SNTB1: variants seen among roughly 807,000 people sequenced by gnomAD.
The protein encoded by SNTB1 is beta-1-syntrophin.
In SNTB1, 36 loss-of-function variants were observed where a neutral mutation model predicts 48.9. The observed-to-expected ratio is 0.74, with a 90% CI of 0.56 to 0.97. The LOEUF is 0.97. Ranked by LOEUF, SNTB1 falls within the 50% of genes least tolerant of loss-of-function variation. The probability of loss-of-function intolerance (pLI) is 0.00; values close to 1 mark genes in which losing one functional copy is unlikely to be tolerated. For synonymous variants in SNTB1, 299 were observed against 294.6 expected, an observed-to-expected ratio of 1.01 and a Z score of -0.15; for missense variants, 786 against 703.4, an observed-to-expected ratio of 1.12 and a Z score of -1.33.
rs546476567 is a variant in SNTB1 at position 120,662,120 on chromosome 8, G to C, written c.789-29469C>G. On this transcript the variant is annotated intron_variant, in intron 2 of 6. Coordinates refer to ENST00000517992, the MANE Select transcript of SNTB1 (RefSeq NM_021021.4). ...GACACTTTCACCTCTTTTGTAGATA[G>C]CAATAATCATTTTCATTACCTGACT... Among the ~76,000 whole-genome samples, 9 of 152,112 alleles carry C rather than the reference G, an allele frequency of 5.9e-5. No homozygotes were observed. In the East Asian group the frequency reaches 1.7e-3, roughly 29 times the overall value.
rs912377825 is a variant in SNTB1 at position 120,811,869 on chromosome 8, G to C, written c.-26C>G. On this transcript the variant is annotated 5_prime_UTR_variant, in exon 1 of 7. Coordinates refer to ENST00000517992, the MANE Select transcript of SNTB1 (RefSeq NM_021021.4). ...CTTTCCGGCATTCTTAAAATGCCAT[G>C]TGATTGGAAAAGGGGGGAAAAGTGG... is the stretch of plus-strand genomic sequence containing the variant. 1 of 1,328,786 alleles carries C rather than the reference G, an allele frequency of 7.5e-7. No homozygotes were observed. The highest frequency in any genetic ancestry group is 1.5e-5 in the African/African-American group (1 of 64,772). 82.3% of individuals were successfully genotyped at this position (1,328,786 alleles called of 1,614,324 possible).
Position 120,575,068 on chromosome 8 carries a change from A to G in SNTB1, c.1136+18T>C. 1 of 1,614,092 alleles carries G rather than the reference A, an allele frequency of 6.2e-7. No homozygotes were observed. The highest frequency in any genetic ancestry group is 1.1e-5 in the South Asian group (1 of 91,068). ...TCCACCTGCAAACACATCATACCAA[A>G]CACAAGGCCATGGCTACCTGGTGGC... On this transcript the variant is annotated intron_variant, in intron 4 of 6. Transcript: ENST00000517992.
chr8:120,652,459 A>G (rs1029035578), intron 2 of SNTB1, among the ~76,000 whole-genome samples: 4 of 152,042 alleles, frequency 2.6e-5, no homozygotes, highest in African/African-American at 9.7e-5. Context: ...GGGGGGTTGG[A>G]TGGAATCACG....
intron 1 of SNTB1, among the ~76,000 whole-genome samples, chr8:120,695,151 G>C (rs934624019): frequency 2.6e-5 from 4 of 152,094 alleles, no homozygotes; most frequent in African/African-American, 9.7e-5. Flanking sequence ...CAGGAGATTG[G>C]GCTAAGTCCC....
chr8:120,616,073 G>A (rs1297404333), intron 3 of SNTB1, among the ~76,000 whole-genome samples: 1 of 152,090 alleles, frequency 6.6e-6, no homozygotes, highest in African/African-American at 2.4e-5. Flanking sequence ...TTTTCCTGGA[G>A]GACAACAAAC....
intron 1 of SNTB1, among the ~76,000 whole-genome samples, chr8:120,718,422 C>T (rs1466237575): frequency 6.6e-6 from 1 of 152,242 alleles, no homozygotes; most frequent in South Asian, 2.1e-4. Flanking sequence ...GGATGGGCTT[C>T]AGGCCAGGGC....
chr8:120,684,853 A>G (rs1207893554), intron 2 of SNTB1, among the ~76,000 whole-genome samples: 1 of 152,008 alleles, frequency 6.6e-6, no homozygotes, highest in Non-Finnish European at 1.5e-5. Context: ...ATGGAGTTTC[A>G]CCACGTTGGC....
Position 120,538,505 on chromosome 8 carries a change from C to T in SNTB1, c.*372G>A, listed in dbSNP as rs1171407271. The T allele has an allele frequency of 3.5e-5, 13 of 366,292 alleles. No homozygotes were observed. Among genetic ancestry groups the T allele is most frequent in the Non-Finnish European group, 6.2e-5 (11 of 177,754 alleles). 22.7% of individuals were successfully genotyped at this position (366,292 alleles called of 1,614,324 possible). A position where few individuals can be genotyped will look rare whatever the true frequency, so the allele number is the denominator to read the frequency against. ...AATGTCCATTTCTCAACTATTCGGC[C>T]CTTGCGTACCTGGTGAACAAGTTGC... On this transcript the variant is annotated 3_prime_UTR_variant, in exon 7 of 7. Transcript: ENST00000517992.
At chr8:120,751,574 C>T (rs192937087) in intron 1 of SNTB1, among the ~76,000 whole-genome samples, 286 of 152,208 alleles carry the variant, frequency 1.9e-3, no homozygotes, top group African/African-American at 6.5e-3. Context: ...GGTCTTACAA[C>T]TGGCCCCCAA....
chr8:120,764,145 T>C (rs541108354), intron 1 of SNTB1, among the ~76,000 whole-genome samples: 142 of 152,330 alleles, frequency 9.3e-4, no homozygotes, highest in African/African-American at 3.3e-3. Context: ...GTCTTACTTA[T>C]AGCGCAAAAT....
At chr8:120,769,924 C>T (rs1323722309) in intron 1 of SNTB1, among the ~76,000 whole-genome samples, 2 of 152,160 alleles carry the variant, frequency 1.3e-5, no homozygotes, top group South Asian at 2.1e-4. Flanking sequence ...ATGTGATTTA[C>T]TCAAACTCAA....
chr8:120,541,980 C>G lies in SNTB1; in HGVS notation c.1354G>C (p.Glu452Gln), dbSNP rs368200172. The G allele has an allele frequency of 1.1e-5, 18 of 1,613,314 alleles. No homozygotes were observed. The highest frequency in any genetic ancestry group is 1.7e-5 in the Admixed American group (1 of 59,914). ...TCATAATGTATGGTCAAACGGCACT[C>G]CTGGTTTTTGTAGGTGCAAGCTGAG... ...ISTACTYKNQ[E>Q]CRLTIHYENG... The change falls in exon 6 of 7, where the codon GAG becomes CAG. Residue 452 changes from glutamate (E) to glutamine (Q), a missense_variant. Coordinates refer to ENST00000517992, the MANE Select transcript of SNTB1 (RefSeq NM_021021.4).
At chr8:120,799,238 CTTAGATCCTCA>C (rs1243640227) in intron 1 of SNTB1, among the ~76,000 whole-genome samples, 1 of 151,954 alleles carries the variant, frequency 6.6e-6, no homozygotes, top group African/African-American at 2.4e-5. Flanking sequence ...ACTTCTTGCA[CTTAGATCCTCA>C]TTTCAGATTC....
At chr8:120,552,668 C>T (rs1306879686) in intron 4 of SNTB1, among the ~76,000 whole-genome samples, 1 of 152,134 alleles carries the variant, frequency 6.6e-6, no homozygotes, top group Non-Finnish European at 1.5e-5. Flanking sequence ...AGCAGCAGTG[C>T]CAATCTTTTT....
At chr8:120,614,199 C>T (rs955861174) in intron 3 of SNTB1, among the ~76,000 whole-genome samples, 6 of 152,128 alleles carry the variant, frequency 3.9e-5, no homozygotes, top group African/African-American at 1.4e-4. Flanking sequence ...TTCTGTGTCT[C>T]GGTTTTCTCA....
intron 3 of SNTB1, among the ~76,000 whole-genome samples, chr8:120,610,813 C>T (rs746312972): frequency 1.3e-5 from 2 of 152,102 alleles, no homozygotes; most frequent in Non-Finnish European, 2.9e-5. Context: ...TTCCCTGGTG[C>T]CCGCTGTGAT....
At chr8:120,569,391 G>C (rs966994315) in intron 4 of SNTB1, among the ~76,000 whole-genome samples, 8 of 152,210 alleles carry the variant, frequency 5.3e-5, no homozygotes, top group Non-Finnish European at 8.8e-5. Flanking sequence ...TTTACTCTCA[G>C]TTCAGACCTG....
intron 3 of SNTB1, among the ~76,000 whole-genome samples, chr8:120,624,297 C>T (rs1294572807): frequency 1.3e-5 from 2 of 152,122 alleles, no homozygotes; most frequent in African/African-American, 2.4e-5. Flanking sequence ...GCTGGGAAGT[C>T]CAAGGATGAG....
In SNTB1 at chr8:120,811,406, C is replaced by G; in HGVS notation, c.438G>C (p.Leu146=). 3 of 1,614,058 alleles carry G rather than the reference C, an allele frequency of 1.9e-6. No individual in the cohort carries two copies. Among genetic ancestry groups the G allele is most frequent in the Non-Finnish European group, 2.5e-6 (3 of 1,179,948 alleles). ...ACAGGGCTTGGGTCTGGTCCGCCGC[C>G]AGCCCCTTGAAGATCTTGCTGATGA... ...PILISKIFKG[L]AADQTQALYV... The change falls in exon 1 of 7, where the codon CTG becomes CTC. Residue 146 remains leucine, a synonymous_variant. Coordinates refer to ENST00000517992, the MANE Select transcript of SNTB1 (RefSeq NM_021021.4).
Sources: allele counts gnomAD v4.1 joint callset (sites outside exome capture counted in the v4.1 genomes callset), GRCh38; gene constraint gnomAD v4.1.1; transcripts MANE v1.5; gene names NCBI Gene and HGNC (gene_info 2026-07-23, HGNC 2026-07-21).